Variants in INPP5B observed in about 807,000 individuals in gnomAD.
INPP5B encodes type II inositol 1,4,5-trisphosphate 5-phosphatase.
A neutral mutation model predicts 118.5 loss-of-function variants in INPP5B; 90 were observed. The ratio of observed to expected loss-of-function variants is 0.76; its 90% confidence interval spans 0.64 to 0.90. The LOEUF is 0.90. Ranked by LOEUF, INPP5B falls within the 40% of genes least tolerant of loss-of-function variation. The pLI is 0.00. For missense variants in INPP5B, 984 were observed against 1,125.6 expected, an observed-to-expected ratio of 0.87 and a Z score of 1.80; for synonymous variants, 385 against 418.9, an observed-to-expected ratio of 0.92 and a Z score of 0.99.
At chr1:37,868,372 T>C in intron 20 of INPP5B, 129 bp downstream of exon 20, 1 of 622,106 alleles carries the variant, frequency 1.6e-6, no homozygotes, top group Non-Finnish European at 2.9e-6. Context: ...TGGCATACTA[T>C]CTATCCTTCC....
chr1:37,887,037 T>C (rs777790668), intron 11 of INPP5B, 33 bp from the exon 12 acceptor site: 6 of 1,576,186 alleles, frequency 3.8e-6, no homozygotes, highest in South Asian at 2.2e-5. Flanking sequence ...TAAATAGAAA[T>C]TGCAAACAGG....
At chr1:37,881,026 G>C (rs1177243059) in intron 14 of INPP5B, among the ~76,000 whole-genome samples, 1 of 152,050 alleles carries the variant, frequency 6.6e-6, no homozygotes, top group Non-Finnish European at 1.5e-5. Context: ...TCTGGCTAAG[G>C]CTCTTTCATA....
At chr1:37,942,522 CTATTAT>C (rs71889740) in intron 5 of INPP5B, among the ~76,000 whole-genome samples, 2 of 152,094 alleles carry the variant, frequency 1.3e-5, no homozygotes, top group African/African-American at 2.4e-5. Context: ...TTATTTGCTT[CTATTAT>C]TATTATTGTT....
intron 6 of INPP5B, among the ~76,000 whole-genome samples, chr1:37,935,649 T>C (rs1239499498): frequency 6.6e-6 from 1 of 152,146 alleles, no homozygotes; most frequent in Non-Finnish European, 1.5e-5. Context: ...CCAGCCTCAT[T>C]TTCCATTCCT....
In INPP5B at chr1:37,907,456, T is replaced by G. The variant is rs1182258884; in HGVS notation, c.533-16002A>C. 1.3e-5 allele frequency among the ~76,000 whole-genome samples: 2 copies of G among 152,186 alleles called. No individual in the cohort carries two copies. Among genetic ancestry groups the G allele is most frequent in the Non-Finnish European group, 2.9e-5 (2 of 68,032 alleles). On this transcript the variant is annotated intron_variant, in intron 7 of 23. Transcript: ENST00000373024. This position sits in a 1 kb window ranked among gnomAD's most constrained non-coding sequence, Gnocchi z 4.3. The stretch of plus-strand genomic sequence containing the variant: ...CTTTGCAACCCTTATGATTAAGGGC[T>G]CTTTTATAAAAGGGAGGGAGAAATA...
At chr1:37,899,849 G>T (rs754168224) in intron 7 of INPP5B, among the ~76,000 whole-genome samples, 2 of 151,950 alleles carry the variant, frequency 1.3e-5, no homozygotes, top group Admixed American at 6.6e-5. Context: ...GAGTATCCGG[G>T]ACTACAGGAG....
At chr1:37,902,321 T>G (rs892038446) in intron 7 of INPP5B, among the ~76,000 whole-genome samples, 2 of 152,126 alleles carry the variant, frequency 1.3e-5, no homozygotes. Flanking sequence ...CTGTCTTCTC[T>G]ATCCCTACTG....
intron 7 of INPP5B, among the ~76,000 whole-genome samples, chr1:37,900,056 C>T (rs1284791867): frequency 6.7e-6 from 1 of 149,164 alleles, no homozygotes; most frequent in African/African-American, 2.5e-5. Context: ...TCCCACAGAT[C>T]TCCATGTTTA....
chr1:37,915,950 C>A (rs1027460364), intron 7 of INPP5B, among the ~76,000 whole-genome samples: 1 of 152,194 alleles, frequency 6.6e-6, no homozygotes, highest in Non-Finnish European at 1.5e-5. Context: ...TTGAGGGTAT[C>A]CCTCACTGCA....
At chr1:37,928,083 T>G (rs905531502) in intron 7 of INPP5B, among the ~76,000 whole-genome samples, 5 of 152,128 alleles carry the variant, frequency 3.3e-5, no homozygotes, top group South Asian at 2.1e-4. Context: ...CTATACTCTC[T>G]TACCTCTATC....
Position 37,877,000 on chromosome 1 carries a change from C to T in INPP5B, c.1677+1188G>A, listed in dbSNP as rs904206562. 9.2e-5 allele frequency among the ~76,000 whole-genome samples: 14 copies of T among 151,878 alleles called. No homozygotes were observed. The South Asian group carries it at 1.2e-3, about 14-fold the overall frequency. ...AGCCCAGCAGATTGAGGCCGCAGTT[C>T]GCTGTGACTGTGCCACTGCATCACT... On this transcript the variant is annotated intron_variant, in intron 16 of 23. Transcript: ENST00000373024.
chr1:37,944,699 A>G (rs962661899), intron 3 of INPP5B, among the ~76,000 whole-genome samples: 4 of 150,904 alleles, frequency 2.7e-5, no homozygotes, highest in African/African-American at 9.8e-5. Context: ...CTCCCGCCTC[A>G]GCCTCCTGAG....
rs771091521 is a variant in INPP5B at position 37,931,941 on chromosome 1, G to A, written c.504C>T (p.Thr168=). The A allele has an allele frequency of 1.2e-6, 2 of 1,614,108 alleles. No homozygotes were observed. The highest frequency in any genetic ancestry group is 1.6e-4 in the Middle Eastern group (1 of 6,062). The change falls in exon 7 of 24, where the codon ACC becomes ACT. Residue 168 remains threonine, a synonymous_variant. Transcript: ENST00000373024. ...TPRGCNSALV[T]WPGYATIGGG... is the part of the protein sequence containing the mutation. Reference sequence around the variant, plus strand: ...CGCCAATTGTCGCGTACCCTGGCCAGGTAACTAGGGCCGAGTTACAACCGC... The same window carrying A: ...CGCCAATTGTCGCGTACCCTGGCCAAGTAACTAGGGCCGAGTTACAACCGC...
chr1:37,877,314 C>G (rs1642901995), intron 16 of INPP5B, among the ~76,000 whole-genome samples: 1 of 151,518 alleles, frequency 6.6e-6, no homozygotes, highest in Non-Finnish European at 1.5e-5. Context: ...TGCACTCCAG[C>G]CTGGGTGACA....
At chr1:37,922,622 GGAGGCGGAGCTTGCAGT>G (rs1435430868) in intron 7 of INPP5B, among the ~76,000 whole-genome samples, 2 of 152,174 alleles carry the variant, frequency 1.3e-5, no homozygotes, top group Admixed American at 6.5e-5. Context: ...CATGAACCCA[GGAGGCGGAGCTTGCAGT>G]GAGCCAAGAT....
At chr1:37,892,400 A>T (rs2148525836) in intron 7 of INPP5B, among the ~76,000 whole-genome samples, 1 of 152,342 alleles carries the variant, frequency 6.6e-6, no homozygotes, top group Non-Finnish European at 1.5e-5. Flanking sequence ...ATATTTTGGG[A>T]AAGTCGTTAA....
At chr1:37,908,330 A>C (rs1644568152) in intron 7 of INPP5B, among the ~76,000 whole-genome samples, 1 of 152,172 alleles carries the variant, frequency 6.6e-6, no homozygotes, top group Non-Finnish European at 1.5e-5. Flanking sequence ...CAAATTGGGT[A>C]AGCAGTCTTT....
At position 37,878,292 on chromosome 1, in the gene INPP5B, G is replaced by A. The variant is rs754429502; in HGVS notation, c.1573C>T (p.Arg525Trp). 1.9e-5 allele frequency: 31 copies of A among 1,613,900 alleles called. No homozygotes were observed. The highest frequency in any genetic ancestry group is 1.7e-6 in the Non-Finnish European group (2 of 1,180,002). ...EKCRAPAWCD[R>W]ILWKGKNITQ... ...ATGTTCTTCCCTTTCCAGAGAATCC[G>A]ATCACACCAGGCAGGAGCACGGCAC... The change falls in exon 16 of 24, where the codon CGG (arginine) becomes TGG (tryptophan). Residue 525 changes from arginine (R) to tryptophan (W), a missense_variant. Physicochemically the swap from Arg to Trp is moderately radical, Grantham distance 101. Coordinates refer to ENST00000373024, the MANE Select transcript of INPP5B (RefSeq NM_005540.3).
chr1:37,932,114 T>C (rs921072065), intron 6 of INPP5B, 61 bp from the exon 7 acceptor site: 29 of 1,477,094 alleles, frequency 2.0e-5, no homozygotes, highest in Admixed American at 1.9e-4. Flanking sequence ...CTCTGCATGA[T>C]TGTATTATCC....
Sources: gnomAD v4.1 joint callset for allele counts (sites outside exome capture counted in the v4.1 genomes callset) on GRCh38, gnomAD v4.1.1 for gene constraint, Gnocchi (gnomAD v3.1) non-coding constraint, MANE v1.5 for transcripts, NCBI Gene and HGNC (gene_info 2026-07-23, HGNC 2026-07-21) for gene names.